The following EPB41L4B variants were observed in gnomAD, a reference collection of about 807,000 sequenced individuals.
The protein encoded by EPB41L4B is band 4.1-like protein 4B.
A neutral mutation model predicts 112.5 loss-of-function variants in EPB41L4B; 30 were observed. The ratio of observed to expected loss-of-function variants is 0.27; its 90% CI spans 0.20 to 0.36. The LOEUF is 0.36. EPB41L4B is among the 10% of genes least tolerant of loss of function. The probability of loss-of-function intolerance (pLI) is 1.00; values close to 1 mark genes in which losing one functional copy is unlikely to be tolerated. For synonymous variants in EPB41L4B, 408 were observed against 439.7 expected, an observed-to-expected ratio of 0.93 and a Z score of 0.90; for missense variants, 1,024 against 1,133.3, an observed-to-expected ratio of 0.90 and a Z score of 1.38.
intron 11 of EPB41L4B, among the ~76,000 whole-genome samples, chr9:109,254,346 AT>A (rs1834902699): frequency 6.6e-6 from 1 of 152,178 alleles, no homozygotes; most frequent in South Asian, 2.1e-4. Context: ...GGACCCTGGG[AT>A]TTGATTGTTT....
intron 15 of EPB41L4B, among the ~76,000 whole-genome samples, chr9:109,221,232 G>A (rs886417207): frequency 6.6e-6 from 1 of 152,144 alleles, no homozygotes; most frequent in Non-Finnish European, 1.5e-5. Context: ...AAGAAGGGAG[G>A]GGAGGGAGGG....
intron 25 of EPB41L4B, among the ~76,000 whole-genome samples, chr9:109,175,204 A>G (rs1831775731): frequency 1.3e-5 from 2 of 152,054 alleles, no homozygotes; most frequent in Admixed American, 1.3e-4. Context: ...GGCATGAGCC[A>G]CCAAGCCCGG....
intron 20 of EPB41L4B, 65 bp from the exon 21 acceptor site, chr9:109,194,462 A>G (rs933321540): frequency 2.2e-5 from 34 of 1,538,940 alleles, no homozygotes; most frequent in Admixed American, 1.1e-4. Context: ...TGAGGAGTGG[A>G]CGGAGGATGG....
chr9:109,230,034 C>T (rs1833903345), intron 15 of EPB41L4B, among the ~76,000 whole-genome samples: 1 of 152,152 alleles, frequency 6.6e-6, no homozygotes, highest in South Asian at 2.1e-4. Flanking sequence ...AGAATCATAC[C>T]TCCTGATTGA....
chr9:109,266,570 G>C (rs926026849), intron 4 of EPB41L4B, among the ~76,000 whole-genome samples: 1 of 152,204 alleles, frequency 6.6e-6, no homozygotes, highest in African/African-American at 2.4e-5. Flanking sequence ...TTCACTGATG[G>C]AAAAGGGTAG....
intron 1 of EPB41L4B, among the ~76,000 whole-genome samples, chr9:109,282,910 G>A (rs1017800724): frequency 2.0e-5 from 3 of 151,806 alleles, no homozygotes; most frequent in Non-Finnish European, 2.9e-5. Flanking sequence ...CTCAACTCCC[G>A]ACCTCAAGTG....
At chr9:109,222,532 C>T (rs921956736) in intron 15 of EPB41L4B, among the ~76,000 whole-genome samples, 1 of 152,174 alleles carries the variant, frequency 6.6e-6, no homozygotes, top group Non-Finnish European at 1.5e-5. Flanking sequence ...TCAAGCCCAC[C>T]CTAGAAGGTC....
chr9:109,306,791 A>C (rs529998810), intron 1 of EPB41L4B, among the ~76,000 whole-genome samples: 2 of 152,172 alleles, frequency 1.3e-5, no homozygotes, highest in African/African-American at 2.4e-5. Flanking sequence ...TTAACTTATT[A>C]ATCAGCCAGC....
chr9:109,221,583 T>A (rs1833574922), intron 15 of EPB41L4B, among the ~76,000 whole-genome samples: 2 of 152,044 alleles, frequency 1.3e-5, no homozygotes, highest in South Asian at 4.2e-4. Context: ...GGATACTAGC[T>A]GGATTTGAGA....
rs748814485 is a variant in EPB41L4B, at chr9:109,241,735, T to C, written c.1409+1883A>G. 3.1e-6 allele frequency: 5 copies of C among 1,614,198 alleles called. No individual in the cohort carries two copies. In the South Asian group the frequency reaches 5.5e-5, roughly 18 times the overall value. On this transcript the variant is annotated intron_variant, in intron 15 of 25. Coordinates refer to ENST00000374566, the MANE Select transcript of EPB41L4B (RefSeq NM_019114.5). ...TCCTAAGTTCTTCTGGTTCTGGTCG[T>C]GGACATAATCAAAATGGCTGTCATC... is the stretch of plus-strand genomic sequence containing the variant.
intron 15 of EPB41L4B, among the ~76,000 whole-genome samples, chr9:109,236,308 G>A (rs1347505257): frequency 2.0e-5 from 3 of 152,006 alleles, no homozygotes; most frequent in Non-Finnish European, 4.4e-5. Context: ...TAGAATGCTC[G>A]CATTTTTCTG....
chr9:109,230,614 C>T (rs979186856), intron 15 of EPB41L4B, among the ~76,000 whole-genome samples: 1 of 152,096 alleles, frequency 6.6e-6, no homozygotes, highest in African/African-American at 2.4e-5. Flanking sequence ...CAGACTGATA[C>T]ATTGTTACAT....
At chr9:109,189,301 G>C (rs770734399) in intron 22 of EPB41L4B, among the ~76,000 whole-genome samples, 12 of 152,214 alleles carry the variant, frequency 7.9e-5, no homozygotes, top group Non-Finnish European at 1.8e-4. Context: ...AGAGGAAAAG[G>C]TTTGGGAAAA....
chr9:109,285,227 T>TA (rs756242928), intron 1 of EPB41L4B, among the ~76,000 whole-genome samples: 15 of 152,352 alleles, frequency 9.8e-5, no homozygotes, highest in Middle Eastern at 3.4e-3. Flanking sequence ...CAGCTCTACT[T>TA]ACGTAAAATG....
At chr9:109,192,450 C>T in intron 21 of EPB41L4B, 95 bp from the exon 22 acceptor site, 1 of 774,806 alleles carries the variant, frequency 1.3e-6, no homozygotes, top group Non-Finnish European at 2.1e-6. Flanking sequence ...AGCCTCTCCT[C>T]TACACTGATC....
chr9:109,317,093 G>T (rs1260844414), intron 1 of EPB41L4B, among the ~76,000 whole-genome samples: 1 of 152,050 alleles, frequency 6.6e-6, no homozygotes, highest in Non-Finnish European at 1.5e-5. Context: ...TGACAGATGA[G>T]ACCCCATATC....
chr9:109,193,613 G>A (rs1832540935), intron 21 of EPB41L4B, among the ~76,000 whole-genome samples: 1 of 152,208 alleles, frequency 6.6e-6, no homozygotes, highest in South Asian at 2.1e-4. Context: ...CCTCTGACTT[G>A]AATCCACTTG....
intron 1 of EPB41L4B, among the ~76,000 whole-genome samples, chr9:109,308,905 CTG>C (rs1564336387): frequency 6.6e-6 from 1 of 152,074 alleles, no homozygotes; most frequent in African/African-American, 2.4e-5. Context: ...TGGTGAAACC[CTG>C]TCTCTACTAA....
At chr9:109,304,441 A>G (rs1279523297) in intron 1 of EPB41L4B, among the ~76,000 whole-genome samples, 1 of 152,198 alleles carries the variant, frequency 6.6e-6, no homozygotes, top group Admixed American at 6.5e-5. Context: ...TGCAGTCCCG[A>G]GGGGCACCTC....
Sources: gnomAD v4.1 joint callset for allele counts (sites outside exome capture counted in the v4.1 genomes callset) on GRCh38, gnomAD v4.1.1 for gene constraint, MANE v1.5 for transcripts, NCBI Gene and HGNC (gene_info 2026-07-23, HGNC 2026-07-21) for gene names.